The following TENM2 variants were observed in gnomAD, a reference collection of about 807,000 sequenced individuals.
TENM2 encodes teneurin transmembrane protein 2.
In TENM2, 52 loss-of-function variants were observed where a neutral mutation model predicts 245.2. That is an observed-to-expected ratio of 0.21 (90% confidence interval 0.17 to 0.27). TENM2 has a LOEUF of 0.27. TENM2 is among the 10% of genes least tolerant of loss of function. The pLI, the probability that TENM2 is intolerant of heterozygous loss-of-function variation, is 1.00. For synonymous variants in TENM2, 1,363 were observed against 1,438.9 expected, an observed-to-expected ratio of 0.95 and a Z score of 1.19; for missense variants, 3,046 against 3,666.8, an observed-to-expected ratio of 0.83 and a Z score of 4.37.
chr5:167,876,397 T>C (rs1773429645), intron 3 of TENM2, among the ~76,000 whole-genome samples: 1 of 152,212 alleles, frequency 6.6e-6, no homozygotes, highest in African/African-American at 2.4e-5. Context: ...GTTTTGCTTA[T>C]CTTAACAGGA....
chr5:167,156,833 G>A, the TENM2 span, among the ~76,000 whole-genome samples: 1 of 152,140 alleles, frequency 6.6e-6, no homozygotes, highest in Non-Finnish European at 1.5e-5. Context: ...GAGTCCAAGT[G>A]GCTCGTCTTG....
intron 6 of TENM2, among the ~76,000 whole-genome samples, chr5:168,058,155 G>A (rs1464931289): frequency 3.9e-5 from 6 of 152,052 alleles, no homozygotes; most frequent in South Asian, 2.1e-4. Context: ...TGTCTCCCTC[G>A]GCCTAGACCG....
chr5:167,169,316 GGAAAGAAAAACATGCAAATAAAGTC>G, the TENM2 span, among the ~76,000 whole-genome samples: 1 of 152,068 alleles, frequency 6.6e-6, no homozygotes. Flanking sequence ...TAATAGTTGT[GGAAAGAAAAACATGCAAATAAAGTC>G]CATGTAAAGG....
At chr5:166,980,241 A>G in the TENM2 span, among the ~76,000 whole-genome samples, 22 of 152,164 alleles carry the variant, frequency 1.4e-4, no homozygotes, top group African/African-American at 5.1e-4. Flanking sequence ...ATTTAGGGCT[A>G]TGGAGAAAGA....
chr5:167,674,671 C>G (rs572775641), intron 2 of TENM2, among the ~76,000 whole-genome samples: 2 of 152,012 alleles, frequency 1.3e-5, no homozygotes, highest in Non-Finnish European at 2.9e-5. Flanking sequence ...AATAGCACCC[C>G]CCTCTTGGGG....
intron 2 of TENM2, among the ~76,000 whole-genome samples, chr5:167,621,310 C>A (rs1447800393): frequency 6.6e-6 from 1 of 152,120 alleles, no homozygotes. Flanking sequence ...GTTGTTACTT[C>A]AGATAGAGTT....
chr5:167,405,784 A>ACG (rs1561929185), intron 2 of TENM2, among the ~76,000 whole-genome samples: 1 of 151,344 alleles, frequency 6.6e-6, no homozygotes, highest in Admixed American at 6.6e-5. Flanking sequence ...ACACACACAC[A>ACG]CACACACACA....
chr5:168,243,908 A>G (rs954876963), intron 25 of TENM2, among the ~76,000 whole-genome samples: 7 of 149,736 alleles, frequency 4.7e-5, no homozygotes, highest in Non-Finnish European at 1.0e-4. Context: ...ATATTGCACC[A>G]TACAAATACT....
In TENM2 at chr5:167,403,303, C is replaced by G. The variant is rs545395509; in HGVS notation, c.502+27830C>G. ...AAACCAAGCTGAAATGTCTGCCACC[C>G]TTGATTTTTGGTAGTAAAAAAAAAA... On this transcript the variant is annotated intron_variant, in intron 2 of 28. Coordinates refer to ENST00000518659, the Ensembl canonical transcript of TENM2. 7.1e-4 allele frequency among the ~76,000 whole-genome samples: 92 copies of G among 128,674 alleles called. 1 individual carries two copies. The South Asian group carries it at 0.011, about 16-fold the overall frequency. 84.4% of individuals were successfully genotyped at this position (128,674 alleles called of 152,430 possible).
the TENM2 span, among the ~76,000 whole-genome samples, chr5:167,227,076 T>A: frequency 9.7e-6 from 1 of 103,192 alleles, no homozygotes; most frequent in African/African-American, 4.8e-5. Flanking sequence ...CTCTTTACTG[T>A]GAGTGCATTT....
At chr5:167,419,789 A>T (rs1191663503) in intron 2 of TENM2, among the ~76,000 whole-genome samples, 1 of 152,224 alleles carries the variant, frequency 6.6e-6, no homozygotes, top group Non-Finnish European at 1.5e-5. Flanking sequence ...TATGATATGA[A>T]GTTAAGATTA....
At chr5:168,147,727 T>C (rs1756230057) in intron 12 of TENM2, among the ~76,000 whole-genome samples, 1 of 152,188 alleles carries the variant, frequency 6.6e-6, no homozygotes, top group African/African-American at 2.4e-5. Context: ...TCCAAGTCCT[T>C]GCATGTGCCA....
At chr5:167,530,701 T>C (rs895833287) in intron 2 of TENM2, among the ~76,000 whole-genome samples, 2 of 152,190 alleles carry the variant, frequency 1.3e-5, no homozygotes, top group Non-Finnish European at 2.9e-5. Flanking sequence ...TGCTTCGCTG[T>C]AGAGCTGTTC....
At chr5:167,561,863 G>T (rs902964125) in intron 2 of TENM2, among the ~76,000 whole-genome samples, 11 of 152,130 alleles carry the variant, frequency 7.2e-5, no homozygotes, top group Admixed American at 6.6e-4. Context: ...GAGATCAAAT[G>T]CTAACATGTA....
chr5:167,285,341 C>T (rs1254751709), intron 1 of TENM2, among the ~76,000 whole-genome samples: 2 of 152,160 alleles, frequency 1.3e-5, no homozygotes, highest in Non-Finnish European at 2.9e-5. Flanking sequence ...CTTAGATTCT[C>T]CTTGAACAAA....
At chr5:167,227,573 A>G in the TENM2 span, among the ~76,000 whole-genome samples, 3 of 152,276 alleles carry the variant, frequency 2.0e-5, no homozygotes, top group East Asian at 1.9e-4. Context: ...AGCACTTTGA[A>G]TATATCATCC....
chr5:167,999,848 G>A (rs1040279680), intron 5 of TENM2, among the ~76,000 whole-genome samples: 1 of 152,180 alleles, frequency 6.6e-6, no homozygotes, highest in Admixed American at 6.5e-5. Flanking sequence ...GTAGAACATC[G>A]TAATACAGAG....
At chr5:168,092,889 C>T (rs1235659676) in intron 8 of TENM2, among the ~76,000 whole-genome samples, 2 of 152,216 alleles carry the variant, frequency 1.3e-5, no homozygotes, top group African/African-American at 2.4e-5. Context: ...ATTTATAGAG[C>T]ATCAACGGTA....
the TENM2 span, among the ~76,000 whole-genome samples, chr5:167,217,963 T>C: frequency 1.3e-5 from 2 of 151,922 alleles, no homozygotes; most frequent in Non-Finnish European, 2.9e-5. Context: ...TCCCAAACTG[T>C]GCTTAAAAAA....
Sources: allele counts gnomAD v4.1 joint callset (sites outside exome capture counted in the v4.1 genomes callset), GRCh38; gene constraint gnomAD v4.1.1; transcripts MANE v1.5; gene names NCBI Gene and HGNC (gene_info 2026-07-23, HGNC 2026-07-21).